TDRD3: variants seen among roughly 807,000 people sequenced by gnomAD.
TDRD3 encodes the protein tudor domain containing 3, also known as tudor domain-containing protein 3.
Under a neutral mutation model 86.7 loss-of-function variants are expected in TDRD3, and 45 were observed. The ratio of observed to expected loss-of-function variants is 0.52; its 90% CI spans 0.41 to 0.67. The LOEUF is 0.67. Ranked by LOEUF, TDRD3 falls within the 30% of genes least tolerant of loss-of-function variation. The pLI is 0.00. For missense variants in TDRD3, 814 were observed against 889.0 expected, an observed-to-expected ratio of 0.92 and a Z score of 1.07; for synonymous variants, 298 against 301.7, an observed-to-expected ratio of 0.99 and a Z score of 0.13.
intron 8 of TDRD3, among the ~76,000 whole-genome samples, chr13:60,504,558 T>A (rs1057366902): frequency 6.6e-6 from 1 of 152,218 alleles, no homozygotes; most frequent in Non-Finnish European, 1.5e-5. Flanking sequence ...TTAAGACATT[T>A]TGTTTCTTAA....
intron 7 of TDRD3, among the ~76,000 whole-genome samples, chr13:60,488,262 A>G (rs1956494057): frequency 6.6e-6 from 1 of 152,202 alleles, no homozygotes. Flanking sequence ...CTGATGAATG[A>G]GGGGTGTGGC....
intron 10 of TDRD3, among the ~76,000 whole-genome samples, chr13:60,514,480 A>C (rs1217625311): frequency 6.6e-6 from 1 of 152,062 alleles, no homozygotes; most frequent in African/African-American, 2.4e-5. Context: ...CAGGAAGCAA[A>C]ATTTTTAATC....
chr13:60,443,337 T>C (rs1955326923), intron 2 of TDRD3, among the ~76,000 whole-genome samples: 1 of 152,138 alleles, frequency 6.6e-6, no homozygotes, highest in East Asian at 1.9e-4. Context: ...ACGGTTTATA[T>C]TTCTTTTAAT....
rs1566305752 is a variant in TDRD3 at position 60,560,294 on chromosome 13, G to A, written c.2119-7231G>A. On this transcript the variant is annotated intron_variant, in intron 12 of 13. Transcript: ENST00000377881. ...TTGTAAGGATTAAATAAGATAACAT[G>A]CAAAATGCCAGGCACACAATGGAAT... is the stretch of plus-strand genomic sequence containing the variant. Among the ~76,000 whole-genome samples, 4 of 152,196 alleles carry A rather than the reference G, an allele frequency of 2.6e-5. No individual in the cohort carries two copies. The South Asian group carries it at 6.2e-4, about 24-fold the overall frequency.
chr13:60,518,693 T>TA (rs1566265748), intron 10 of TDRD3, among the ~76,000 whole-genome samples: 2 of 152,332 alleles, frequency 1.3e-5, no homozygotes, highest in East Asian at 3.9e-4. Context: ...TTATGAACCT[T>TA]AAATTATGCT....
chr13:60,565,602 G>C (rs918436191), intron 12 of TDRD3, among the ~76,000 whole-genome samples: 4 of 152,038 alleles, frequency 2.6e-5, no homozygotes, highest in African/African-American at 4.8e-5. Flanking sequence ...CTATCTCTGT[G>C]TATTTTATTA....
intron 8 of TDRD3, among the ~76,000 whole-genome samples, chr13:60,505,233 G>C (rs1320699549): frequency 2.0e-5 from 3 of 152,124 alleles, no homozygotes; most frequent in African/African-American, 7.2e-5. Context: ...AGTTGACCTG[G>C]GATGCTTGAG....
intron 6 of TDRD3, among the ~76,000 whole-genome samples, chr13:60,485,233 C>G (rs1352390018): frequency 6.6e-6 from 1 of 151,852 alleles, no homozygotes; most frequent in African/African-American, 2.4e-5. Context: ...GACTGGAGAT[C>G]AGAATTGAGG....
intron 13 of TDRD3, among the ~76,000 whole-genome samples, chr13:60,571,472 T>G (rs1958583965): frequency 1.3e-5 from 2 of 152,200 alleles, no homozygotes; most frequent in South Asian, 4.1e-4. Context: ...TGAAATTTTC[T>G]AAGGTTTTGT....
intron 10 of TDRD3, among the ~76,000 whole-genome samples, chr13:60,512,440 C>A (rs1251246649): frequency 2.0e-5 from 3 of 152,148 alleles, no homozygotes; most frequent in African/African-American, 7.2e-5. Context: ...TCGCAACAGT[C>A]CGCCAAAGTC....
chr13:60,452,091 C>A, intron 3 of TDRD3, among the ~76,000 whole-genome samples: 1 of 152,116 alleles, frequency 6.6e-6, no homozygotes, highest in East Asian at 1.9e-4. Flanking sequence ...GTTATAAAAT[C>A]ACTGAACCGG....
At chr13:60,494,605 A>C in intron 8 of TDRD3, 30 bp downstream of exon 8, 2 of 1,596,326 alleles carry the variant, frequency 1.3e-6, no homozygotes, top group South Asian at 2.3e-5. Flanking sequence ...CACAAATTTA[A>C]AGTGTTATTT....
At chr13:60,538,716 C>G (rs1275985588) in intron 12 of TDRD3, among the ~76,000 whole-genome samples, 1 of 152,058 alleles carries the variant, frequency 6.6e-6, no homozygotes, top group Non-Finnish European at 1.5e-5. Context: ...AAATTGCTTC[C>G]TTTAAACTCT....
chr13:60,504,601 A>G (rs376155964), intron 8 of TDRD3, among the ~76,000 whole-genome samples: 48 of 152,350 alleles, frequency 3.2e-4, no homozygotes, highest in African/African-American at 1.1e-3. Flanking sequence ...AAAGCATTAC[A>G]GCTTTTATCT....
chr13:60,463,977 A>C (rs1955859162), intron 4 of TDRD3, among the ~76,000 whole-genome samples: 1 of 152,194 alleles, frequency 6.6e-6, no homozygotes, highest in Admixed American at 6.5e-5. Context: ...CCATCCTTGC[A>C]GTGAGTGAGT....
chr13:60,397,410 G>C lies in TDRD3; in HGVS notation c.41+5G>C. 6.7e-7 allele frequency: 1 copy of C among 1,494,736 alleles called. No individual in the cohort carries two copies. Among genetic ancestry groups the C allele is most frequent in the Non-Finnish European group, 8.9e-7 (1 of 1,123,972 alleles). The allele number at this position is 1,494,736 out of a possible 1,614,324, so 92.6% of individuals were successfully genotyped here. A position where few individuals can be genotyped will look rare whatever the true frequency, so the allele number is the denominator to read the frequency against. On this transcript the variant is annotated splice_donor_5th_base_variant and intron_variant, in intron 1 of 13. Coordinates refer to ENST00000377881, the MANE Select transcript of TDRD3 (RefSeq NM_001146070.2). The stretch of plus-strand genomic sequence containing the variant: ...GGCGTTGTCCCAGGCGGGTTGGTAA[G>C]TGGCGAGTCCCGCCGGCTGCCGGGC...
chr13:60,563,382 C>T (rs1388817566), intron 12 of TDRD3, among the ~76,000 whole-genome samples: 1 of 152,142 alleles, frequency 6.6e-6, no homozygotes, highest in Non-Finnish European at 1.5e-5. Flanking sequence ...GGGGTAGAAG[C>T]AGAGGAAGAA....
intron 5 of TDRD3, among the ~76,000 whole-genome samples, chr13:60,477,361 C>G (rs1417082291): frequency 6.6e-6 from 1 of 151,908 alleles, no homozygotes; most frequent in Non-Finnish European, 1.5e-5. Flanking sequence ...ACTACAGGTG[C>G]ACACCACCAA....
intron 5 of TDRD3, among the ~76,000 whole-genome samples, chr13:60,474,549 C>G (rs953443511): frequency 6.6e-6 from 1 of 152,194 alleles, no homozygotes. Context: ...GATGTGTACC[C>G]TTGACTTCTT....
Sources: allele counts gnomAD v4.1 joint callset (sites outside exome capture counted in the v4.1 genomes callset), GRCh38; gene constraint gnomAD v4.1.1; transcripts MANE v1.5; gene names NCBI Gene and HGNC (gene_info 2026-07-23, HGNC 2026-07-21).